The following HIPK2 variants were observed in gnomAD, a reference collection of about 807,000 sequenced individuals.
HIPK2 encodes the protein homeodomain-interacting protein kinase 2.
In HIPK2, 27 loss-of-function variants were observed where a neutral mutation model predicts 113.7. The ratio of observed to expected loss-of-function variants is 0.24; its 90% CI spans 0.17 to 0.33. The LOEUF (loss-of-function observed/expected upper bound fraction) is 0.33. HIPK2 is among the 10% of genes least tolerant of loss of function. HIPK2 has a pLI of 1.00. For synonymous variants in HIPK2, 631 were observed against 642.2 expected (o/e 0.98, Z 0.26); for missense variants, 1,257 against 1,588.0 (o/e 0.79, Z 3.54).
intron 1 of HIPK2, among the ~76,000 whole-genome samples, chr7:139,726,630 C>A (rs1795584544): frequency 6.6e-6 from 1 of 152,174 alleles, no homozygotes; most frequent in Non-Finnish European, 1.5e-5. Flanking sequence ...GTGTCAGGAG[C>A]TAATGGTCTT....
chr7:139,755,155 A>C (rs769935845), intron 1 of HIPK2, among the ~76,000 whole-genome samples: 3 of 152,150 alleles, frequency 2.0e-5, no homozygotes, highest in Non-Finnish European at 2.9e-5. Context: ...CTGGTCAACG[A>C]GGTGTGAAGG....
intron 1 of HIPK2, among the ~76,000 whole-genome samples, chr7:139,765,135 CA>C (rs113415401): frequency 0.035 from 4,542 of 130,350 alleles, 188 homozygotes; most frequent in African/African-American, 0.11. Flanking sequence ...GACTCTGTCT[CA>C]AAAAAAAAAA....
chr7:139,766,311 C>A (rs560189887), intron 1 of HIPK2, among the ~76,000 whole-genome samples: 4 of 152,330 alleles, frequency 2.6e-5, no homozygotes, highest in Admixed American at 6.5e-5. Flanking sequence ...ATCATCTTCC[C>A]ATAACATGTT....
In HIPK2 at chr7:139,572,628, C is replaced by CT. The variant is rs1798319300; in HGVS notation, c.*298dup. The CT allele has an allele frequency of 3.9e-6, 1 of 259,636 alleles. No homozygotes were observed. The highest frequency in any genetic ancestry group is 5.5e-5 in the Admixed American group (1 of 18,292). The allele number at this position is 259,636 out of a possible 1,614,324, so 16.1% of individuals were successfully genotyped here. Reference sequence around the variant, plus strand: ...TATTGACTTTTTTTTTTTCCTTTTTCTTTTTTAAAATAAAAACCATAGATT... The same window carrying CT: ...TATTGACTTTTTTTTTTTCCTTTTTCTTTTTTTAAAATAAAAACCATAGATT... On this transcript the variant is annotated 3_prime_UTR_variant, in exon 15 of 15. Coordinates refer to ENST00000406875, the MANE Select transcript of HIPK2 (RefSeq NM_022740.5).
chr7:139,722,690 G>A (rs1795450069), intron 1 of HIPK2, among the ~76,000 whole-genome samples: 1 of 151,736 alleles, frequency 6.6e-6, no homozygotes, highest in South Asian at 2.1e-4. Context: ...TCCTACTGCC[G>A]GTTGGACGTA....
At chr7:139,772,334 A>T (rs967697025) in intron 1 of HIPK2, among the ~76,000 whole-genome samples, 2 of 152,258 alleles carry the variant, frequency 1.3e-5, no homozygotes, top group African/African-American at 4.8e-5. Flanking sequence ...CTCGCAACAA[A>T]GCCTACGACA....
intron 2 of HIPK2, among the ~76,000 whole-genome samples, chr7:139,696,283 G>C (rs1249425816): frequency 3.3e-5 from 5 of 152,158 alleles, no homozygotes; most frequent in Non-Finnish European, 7.3e-5. Context: ...GAGAAAAAAA[G>C]CAGTCTTGGC....
intron 2 of HIPK2, among the ~76,000 whole-genome samples, chr7:139,635,051 G>C (rs372400653): frequency 2.0e-5 from 3 of 152,142 alleles, no homozygotes; most frequent in African/African-American, 2.4e-5. Context: ...TTTTCTCTCT[G>C]CCCTCCCTGT....
intron 2 of HIPK2, among the ~76,000 whole-genome samples, chr7:139,700,525 T>C (rs959343472): frequency 1.6e-4 from 25 of 152,252 alleles, no homozygotes; most frequent in Non-Finnish European, 2.6e-4. Flanking sequence ...TAGAGAGCCA[T>C]GCACCCAACT....
chr7:139,601,949 CTT>C (rs1053542551), intron 10 of HIPK2, among the ~76,000 whole-genome samples: 4 of 116,370 alleles, frequency 3.4e-5, no homozygotes, highest in African/African-American at 3.3e-5. Context: ...ATTATGGCTT[CTT>C]TTTTTTTTTT....
intron 1 of HIPK2, among the ~76,000 whole-genome samples, chr7:139,745,067 T>C (rs934625084): frequency 1.3e-5 from 2 of 152,202 alleles, no homozygotes; most frequent in East Asian, 3.8e-4. Flanking sequence ...GAAGACAAGC[T>C]GGCGTATTGT....
intron 13 of HIPK2, among the ~76,000 whole-genome samples, chr7:139,576,536 G>A (rs1042533628): frequency 1.3e-5 from 2 of 152,152 alleles, no homozygotes; most frequent in African/African-American, 4.8e-5. Flanking sequence ...AGAGCCAGGG[G>A]AGCCAGGAGC....
intron 4 of HIPK2, among the ~76,000 whole-genome samples, chr7:139,629,629 A>G (rs924202163): frequency 2.0e-5 from 3 of 152,208 alleles, no homozygotes; most frequent in Non-Finnish European, 2.9e-5. Context: ...CTGCCCCTCT[A>G]TTGGTGGCTG....
At chr7:139,763,359 A>G (rs2117149989) in intron 1 of HIPK2, among the ~76,000 whole-genome samples, 1 of 152,240 alleles carries the variant, frequency 6.6e-6, no homozygotes, top group South Asian at 2.1e-4. Flanking sequence ...TCAGGAAGCC[A>G]GTCCAGATGA....
chr7:139,698,007 T>A (rs1794611001), intron 2 of HIPK2, among the ~76,000 whole-genome samples: 1 of 152,010 alleles, frequency 6.6e-6, no homozygotes, highest in South Asian at 2.1e-4. Context: ...GGATTACAGG[T>A]GCACGCCACC....
intron 4 of HIPK2, 58 bp from the exon 5 acceptor site, chr7:139,629,097 T>C: frequency 7.1e-7 from 1 of 1,416,268 alleles, no homozygotes; most frequent in Non-Finnish European, 9.8e-7. Flanking sequence ...TCACTGGGAC[T>C]CAAGCCTTGG....
rs1175839870 is a variant in HIPK2, at chr7:139,717,005, T to C, written c.30A>G (p.Ser10=). The change falls in exon 2 of 15, where the codon TCA becomes TCG. Residue 10 remains serine (S), a synonymous_variant. Transcript: ENST00000406875. MAPVYEGMA[S]HVQVFSPHTL... is the part of the protein sequence containing the mutation. ...TGTGAGGGGAGAAAACTTGCACATGTGAGGCCATACCTACAAGGAAAGGAA... is the reference window on the plus strand; with the variant it reads ...TGTGAGGGGAGAAAACTTGCACATGCGAGGCCATACCTACAAGGAAAGGAA... The C allele has an allele frequency of 6.2e-7, 1 of 1,609,234 alleles. No individual in the cohort carries two copies. The highest frequency in any genetic ancestry group is 8.5e-7 in the Non-Finnish European group (1 of 1,175,932).
intron 1 of HIPK2, among the ~76,000 whole-genome samples, chr7:139,758,990 G>A (rs1278545349): frequency 6.6e-6 from 1 of 151,880 alleles, no homozygotes; most frequent in Non-Finnish European, 1.5e-5. Context: ...GACTTCCAAA[G>A]GGCAAACCAC....
At chr7:139,576,338 G>C (rs192064107) in intron 13 of HIPK2, among the ~76,000 whole-genome samples, 3 of 152,342 alleles carry the variant, frequency 2.0e-5, no homozygotes, top group African/African-American at 7.2e-5. Context: ...GTTCTCAAAT[G>C]TAATTCCTGC....
Sources: allele counts gnomAD v4.1 joint callset (sites outside exome capture counted in the v4.1 genomes callset), GRCh38; gene constraint gnomAD v4.1.1; transcripts MANE v1.5; gene names NCBI Gene and HGNC (gene_info 2026-07-23, HGNC 2026-07-21).